MYO18B: variants seen among roughly 807,000 people sequenced by gnomAD.
MYO18B encodes unconventional myosin-XVIIIb.
A neutral mutation model predicts 273.0 loss-of-function variants in MYO18B; 204 were observed. The observed-to-expected ratio is 0.75, with a 90% CI of 0.67 to 0.84. MYO18B has a LOEUF of 0.84. MYO18B is among the 40% of genes least tolerant of loss of function. The pLI is 0.00. For missense variants in MYO18B, 3,212 were observed against 3,287.6 expected, an observed-to-expected ratio of 0.98 and a Z score of 0.56; for synonymous variants, 1,330 against 1,305.7, an observed-to-expected ratio of 1.02 and a Z score of -0.40.
intron 40 of MYO18B, among the ~76,000 whole-genome samples, chr22:26,002,103 C>T (rs941822567): frequency 6.6e-6 from 1 of 152,206 alleles, no homozygotes; most frequent in East Asian, 1.9e-4. Flanking sequence ...TCCTACAAGG[C>T]CATTCACAAA....
chr22:26,037,434 G>A, the MYO18B span, among the ~76,000 whole-genome samples: 1 of 152,196 alleles, frequency 6.6e-6, no homozygotes, highest in Non-Finnish European at 1.5e-5. Context: ...CAGAAGCTGG[G>A]ATTAGAGTTC....
chr22:25,960,138 G>C (rs527623826), intron 39 of MYO18B, among the ~76,000 whole-genome samples: 55 of 151,998 alleles, frequency 3.6e-4, no homozygotes, highest in African/African-American at 1.3e-3. Context: ...TTGCTTCCCA[G>C]AAAAAAGAAA....
At chr22:26,017,873 G>A (rs1005526468) in intron 42 of MYO18B, among the ~76,000 whole-genome samples, 2 of 148,640 alleles carry the variant, frequency 1.3e-5, no homozygotes, top group Admixed American at 1.3e-4. Flanking sequence ...TCCCTGTTCT[G>A]TTTTTCTTAT....
intron 42 of MYO18B, among the ~76,000 whole-genome samples, chr22:26,017,587 A>C (rs1935462781): frequency 6.6e-6 from 1 of 152,186 alleles, no homozygotes; most frequent in Non-Finnish European, 1.5e-5. Context: ...TTATCCTAAA[A>C]CTGTCCTGTA....
chr22:25,764,703 C>G (rs1035122156), intron 3 of MYO18B, among the ~76,000 whole-genome samples: 2 of 152,198 alleles, frequency 1.3e-5, no homozygotes, highest in African/African-American at 4.8e-5. Flanking sequence ...CTTGCCTGAC[C>G]TAAGGCATAA....
At chr22:25,989,272 TCAGA>T (rs2093235097) in intron 39 of MYO18B, among the ~76,000 whole-genome samples, 1 of 152,190 alleles carries the variant, frequency 6.6e-6, no homozygotes, top group Admixed American at 6.5e-5. Context: ...CGGCGTGACC[TCAGA>T]CAGGTCATTT....
chr22:25,984,981 C>G (rs1261631481), intron 39 of MYO18B, among the ~76,000 whole-genome samples: 1 of 152,170 alleles, frequency 6.6e-6, no homozygotes, highest in African/African-American at 2.4e-5. Context: ...AAGAAAAGGA[C>G]AGGAGGTATT....
At chr22:25,879,626 C>G (rs2091286185) in intron 25 of MYO18B, among the ~76,000 whole-genome samples, 1 of 152,104 alleles carries the variant, frequency 6.6e-6, no homozygotes, top group South Asian at 2.1e-4. Context: ...CAGACAGTTC[C>G]CACTCCAAGA....
At position 25,891,406 on chromosome 22, in the gene MYO18B, G is replaced by T; in HGVS notation, c.4537G>T (p.Gly1513Ter). The T allele has an allele frequency of 6.4e-7, 1 of 1,573,640 alleles. No homozygotes were observed. The change falls in exon 27 of 44, where the codon GGA becomes TGA. Residue 1513 changes from glycine (G) to a stop codon, truncating the protein, a stop_gained. Coordinates refer to ENST00000335473, the MANE Select transcript of MYO18B (RefSeq NM_032608.7). LOFTEE classifies it high-confidence loss of function. ...QLNDLERNPTGGADEWQMRFD... is the reference protein window; with the variant it reads ...QLNDLERNPT ...GAATGACTTGGAAAGGAATCCCACT[G>T]GAGGAGGTGAGCAGCCTGGGACCCT...
intron 38 of MYO18B, among the ~76,000 whole-genome samples, chr22:25,954,204 T>C (rs940625182): frequency 2.0e-5 from 3 of 152,314 alleles, no homozygotes; most frequent in Admixed American, 2.0e-4. Flanking sequence ...GCACTCGTGA[T>C]GGCCAAAGCA....
At chr22:25,828,009 G>A (rs1408043094) in intron 14 of MYO18B, among the ~76,000 whole-genome samples, 4 of 152,188 alleles carry the variant, frequency 2.6e-5, no homozygotes, top group African/African-American at 9.7e-5. Context: ...AACAACAGAA[G>A]AACCAAGGTT....
intron 1 of MYO18B, among the ~76,000 whole-genome samples, chr22:25,755,936 T>C (rs1316581029): frequency 1.3e-5 from 2 of 151,920 alleles, no homozygotes; most frequent in Non-Finnish European, 2.9e-5. Flanking sequence ...CCACCCCCGT[T>C]GCCCAGGCTG....
intron 13 of MYO18B, 70 bp downstream of exon 13, chr22:25,823,748 T>C: frequency 6.6e-7 from 1 of 1,506,706 alleles, no homozygotes; most frequent in Admixed American, 1.9e-5. Context: ...TACACCAGCA[T>C]TCTTTAACTT....
chr22:26,004,724 C>T lies in MYO18B; in HGVS notation c.6339C>T (p.Asn2113=), dbSNP rs765641054. ...CGSSGRKEMD[N]VSILSSQPEG... Reference sequence around the variant, plus strand: ...TCCTGCAATCTTATTCTAGGGATAACGTCTCCATCCTCAGCTCCCAGCCAG... The same window carrying T: ...TCCTGCAATCTTATTCTAGGGATAATGTCTCCATCCTCAGCTCCCAGCCAG... Residue 2113 remains asparagine, a synonymous_variant, in exon 42 of 44, where the codon AAC becomes AAT. Transcript: ENST00000335473. 1.1e-5 allele frequency: 17 copies of T among 1,613,556 alleles called. No individual in the cohort carries two copies. In the African/African-American group the frequency reaches 1.1e-4, roughly 10 times the overall value.
At chr22:26,000,790 A>G (rs1413762300) in intron 40 of MYO18B, among the ~76,000 whole-genome samples, 1 of 152,198 alleles carries the variant, frequency 6.6e-6, no homozygotes, top group African/African-American at 2.4e-5. Context: ...CAGGTCAGAT[A>G]TCACACTTGG....
intron 34 of MYO18B, among the ~76,000 whole-genome samples, chr22:25,922,423 C>T (rs1003734082): frequency 1.1e-4 from 16 of 152,132 alleles, no homozygotes; most frequent in African/African-American, 3.1e-4. Flanking sequence ...GCAAGCCTTG[C>T]GGAGAGATGT....
chr22:25,880,097 C>T (rs150624561), intron 25 of MYO18B, among the ~76,000 whole-genome samples: 97 of 152,228 alleles, frequency 6.4e-4, no homozygotes, highest in African/African-American at 2.2e-3. Flanking sequence ...CAGCAAGCCA[C>T]GGCTAGACCA....
At position 25,950,261 on chromosome 22, in the gene MYO18B, T is replaced by C. The variant is rs1050826387; in HGVS notation, c.5749-106T>C. 1.7e-4 allele frequency: 143 copies of C among 856,418 alleles called. 1 individual carries two copies. Among genetic ancestry groups the C allele is most frequent in the Middle Eastern group, 6.6e-4 (2 of 3,026 alleles). 53.1% of individuals were successfully genotyped at this position (856,418 alleles called of 1,614,324 possible). A position where few individuals can be genotyped will look rare whatever the true frequency, so the allele number is the denominator to read the frequency against. On this transcript the variant is annotated intron_variant, in intron 36 of 43. Coordinates refer to ENST00000335473, the MANE Select transcript of MYO18B (RefSeq NM_032608.7). Reference sequence around the variant, plus strand: ...CTATTATCATAGAAGCTCTGAGAGATGTAGACATCTGTGGGTGGGGAAAGT... The same window carrying C: ...CTATTATCATAGAAGCTCTGAGAGACGTAGACATCTGTGGGTGGGGAAAGT...
intron 1 of MYO18B, among the ~76,000 whole-genome samples, chr22:25,754,536 T>C (rs778794792): frequency 2.6e-5 from 4 of 152,192 alleles, no homozygotes; most frequent in African/African-American, 9.6e-5. Context: ...AGTCATCTCC[T>C]GGCTTTGGGG....
Sources: gnomAD v4.1 joint callset for allele counts (sites outside exome capture counted in the v4.1 genomes callset) on GRCh38, gnomAD v4.1.1 for gene constraint, MANE v1.5 for transcripts, NCBI Gene and HGNC (gene_info 2026-07-23, HGNC 2026-07-21) for gene names.